Variants in TENM3 observed in about 807,000 individuals in gnomAD.
The protein encoded by TENM3 is teneurin transmembrane protein 3, also known as teneurin-3.
A neutral mutation model predicts 255.1 loss-of-function variants in TENM3; 63 were observed. The ratio of observed to expected loss-of-function variants is 0.25; its 90% CI spans 0.20 to 0.30. The LOEUF is 0.30. Ranked by LOEUF, TENM3 falls within the 10% of genes least tolerant of loss-of-function variation. The probability of loss-of-function intolerance (pLI) is 1.00; values close to 1 mark genes in which losing one functional copy is unlikely to be tolerated. For synonymous variants in TENM3, 1,306 were observed against 1,322.3 expected, an observed-to-expected ratio of 0.99 and a Z score of 0.27; for missense variants, 2,929 against 3,461.1, an observed-to-expected ratio of 0.85 and a Z score of 3.86.
intron 19 of TENM3, chr4:182,744,012 A>G: frequency 2.0e-6 from 1 of 510,538 alleles, no homozygotes; most frequent in Non-Finnish European, 2.5e-6. Flanking sequence ...ATTTCTGCCA[A>G]GTTGGCAATT....
intron 3 of TENM3, among the ~76,000 whole-genome samples, chr4:182,481,421 A>C (rs1457564482): frequency 6.6e-6 from 1 of 152,186 alleles, no homozygotes; most frequent in Admixed American, 6.5e-5. Flanking sequence ...TTTTGTGCTT[A>C]AAGATTCATT....
the TENM3 span, among the ~76,000 whole-genome samples, chr4:181,780,358 G>T: frequency 6.6e-6 from 1 of 152,138 alleles, no homozygotes; most frequent in Admixed American, 6.5e-5. Context: ...ATCTCATTGT[G>T]GTTTTGATTT....
At chr4:181,933,301 T>A in the TENM3 span, among the ~76,000 whole-genome samples, 1 of 152,202 alleles carries the variant, frequency 6.6e-6, no homozygotes, top group African/African-American at 2.4e-5. Flanking sequence ...GAAAATAAGA[T>A]ATGATCCTAA....
chr4:181,646,732 C>T, the TENM3 span, among the ~76,000 whole-genome samples: 3 of 152,150 alleles, frequency 2.0e-5, no homozygotes, highest in Non-Finnish European at 4.4e-5. Context: ...GACTCTGGGA[C>T]CCCTGCCTTT....
At chr4:181,927,422 C>A in the TENM3 span, among the ~76,000 whole-genome samples, 1 of 152,200 alleles carries the variant, frequency 6.6e-6, no homozygotes, top group Non-Finnish European at 1.5e-5. Flanking sequence ...TCAAACTGGG[C>A]GGAGCCCACC....
the TENM3 span, among the ~76,000 whole-genome samples, chr4:181,535,918 A>G: frequency 6.6e-6 from 1 of 152,064 alleles, no homozygotes; most frequent in Non-Finnish European, 1.5e-5. Flanking sequence ...AATGCTTCTC[A>G]TTTTGAAAAT....
chr4:182,643,631 A>G (rs376895012), intron 5 of TENM3, among the ~76,000 whole-genome samples: 6 of 152,214 alleles, frequency 3.9e-5, no homozygotes, highest in African/African-American at 1.4e-4. Flanking sequence ...CAGGGACTCC[A>G]GTCTCTTTTA....
chr4:182,075,003 G>A, the TENM3 span, among the ~76,000 whole-genome samples: 1 of 152,048 alleles, frequency 6.6e-6, no homozygotes, highest in Admixed American at 6.6e-5. Flanking sequence ...AGTGTCCACG[G>A]GGGTTATGTT....
At chr4:182,409,002 A>G (rs185532399) in intron 3 of TENM3, among the ~76,000 whole-genome samples, 1 of 152,372 alleles carries the variant, frequency 6.6e-6, no homozygotes, top group African/African-American at 2.4e-5. Flanking sequence ...TCAGACAAAC[A>G]TGGCAAGCAG....
chr4:181,896,172 C>T, the TENM3 span, among the ~76,000 whole-genome samples: 1 of 152,064 alleles, frequency 6.6e-6, no homozygotes, highest in Admixed American at 6.6e-5. Context: ...CCCTGGGCTT[C>T]GGGACAGTGG....
intron 3 of TENM3, among the ~76,000 whole-genome samples, chr4:182,424,829 G>A (rs1771087642): frequency 6.6e-6 from 1 of 152,092 alleles, no homozygotes; most frequent in South Asian, 2.1e-4. Flanking sequence ...GTAATGTAGA[G>A]AAAAATGCTG....
the TENM3 span, among the ~76,000 whole-genome samples, chr4:181,780,631 T>A: frequency 2.6e-5 from 4 of 152,336 alleles, no homozygotes; most frequent in East Asian, 7.7e-4. Flanking sequence ...GCAGAAGTTC[T>A]TTAGTTTAAT....
chr4:182,796,831 A>C, intron 27 of TENM3, 64 bp downstream of exon 27: 1 of 1,304,218 alleles, frequency 7.7e-7, no homozygotes, highest in Non-Finnish European at 1.0e-6. Flanking sequence ...CCCATATCTA[A>C]TCAAACTACC....
At chr4:182,696,306 ATC>A (rs1334380169) in intron 12 of TENM3, among the ~76,000 whole-genome samples, 12 of 152,252 alleles carry the variant, frequency 7.9e-5, no homozygotes, top group Non-Finnish European at 1.6e-4. Context: ...AGACTCAATT[ATC>A]TCTCTATACT....
intron 5 of TENM3, among the ~76,000 whole-genome samples, chr4:182,639,264 G>T (rs1354323450): frequency 6.6e-6 from 1 of 152,152 alleles, no homozygotes; most frequent in African/African-American, 2.4e-5. Context: ...ATTTGTGTTT[G>T]TATCTCACCT....
intron 3 of TENM3, among the ~76,000 whole-genome samples, chr4:182,468,686 T>C (rs187216202): frequency 1.3e-5 from 2 of 152,334 alleles, no homozygotes; most frequent in East Asian, 1.9e-4. Flanking sequence ...TTGATTTGTT[T>C]AGCAGAATAG....
the TENM3 span, among the ~76,000 whole-genome samples, chr4:181,879,844 A>C: frequency 6.6e-6 from 1 of 152,118 alleles, no homozygotes; most frequent in Admixed American, 6.5e-5. Context: ...TCTGTCAAAA[A>C]TCAGCACCTG....
At chr4:182,466,412 G>C (rs1732595392) in intron 3 of TENM3, among the ~76,000 whole-genome samples, 1 of 152,096 alleles carries the variant, frequency 6.6e-6, no homozygotes, top group African/African-American at 2.4e-5. Flanking sequence ...TCTTTCTTCT[G>C]TGTCTCTGTG....
chr4:182,134,923 T>A, the TENM3 span, among the ~76,000 whole-genome samples: 9 of 151,620 alleles, frequency 5.9e-5, no homozygotes, highest in East Asian at 1.6e-3. Flanking sequence ...TGAACCAAAG[T>A]TTGGCCAGGT....
Sources: allele counts gnomAD v4.1 joint callset (sites outside exome capture counted in the v4.1 genomes callset), GRCh38; gene constraint gnomAD v4.1.1; transcripts MANE v1.5; gene names NCBI Gene and HGNC (gene_info 2026-07-23, HGNC 2026-07-21).